SMAD2: variants seen among roughly 807,000 people sequenced by gnomAD.
The protein encoded by SMAD2 is MAD homolog 2.
SMAD2 carries 8 observed loss-of-function variants against 64.4 expected under a neutral mutation model. The observed-to-expected ratio is 0.12, with a 90% CI of 0.07 to 0.22. SMAD2 has a LOEUF of 0.22. SMAD2 is among the 10% of genes least tolerant of loss of function. The pLI, the probability that SMAD2 is intolerant of heterozygous loss-of-function variation, is 1.00. For missense variants in SMAD2, 289 were observed against 561.2 expected (o/e 0.51, Z 4.90); for synonymous variants, 203 against 195.8 (o/e 1.04, Z -0.31).
intron 1 of SMAD2, among the ~76,000 whole-genome samples, chr18:47,914,331 G>C (rs573373418): frequency 6.6e-6 from 1 of 152,214 alleles, no homozygotes; most frequent in Non-Finnish European, 1.5e-5. Context: ...ATCTTGCTGT[G>C]CCTCTAAATA....
intron 6 of SMAD2, among the ~76,000 whole-genome samples, chr18:47,859,099 A>G (rs764983820): frequency 8.5e-5 from 13 of 152,136 alleles, no homozygotes; most frequent in Non-Finnish European, 1.2e-4. Context: ...GGTGATGTTA[A>G]TATGAAATGC....
At chr18:47,905,611 A>C (rs2033871073) in intron 1 of SMAD2, among the ~76,000 whole-genome samples, 1 of 152,222 alleles carries the variant, frequency 6.6e-6, no homozygotes, top group Admixed American at 6.5e-5. Context: ...CAAGTCTAGA[A>C]ATAGACCCAC....
intron 6 of SMAD2, among the ~76,000 whole-genome samples, chr18:47,855,782 C>T (rs577812059): frequency 2.8e-4 from 42 of 151,976 alleles, no homozygotes; most frequent in Non-Finnish European, 3.4e-4. Context: ...CCAACACACC[C>T]GGCTAATTTC....
At chr18:47,910,370 A>G (rs1161729695) in intron 1 of SMAD2, among the ~76,000 whole-genome samples, 4 of 119,276 alleles carry the variant, frequency 3.4e-5, no homozygotes, top group Admixed American at 1.9e-4. Context: ...GACATAGGAC[A>G]ATCTAGCTAT....
intron 5 of SMAD2, chr18:47,866,828 T>C (rs1217026886): frequency 6.6e-6 from 1 of 152,178 alleles, no homozygotes; most frequent in Non-Finnish European, 1.5e-5. Flanking sequence ...TCTGATTTTC[T>C]ACTTTATAAA....
chr18:47,849,501 ATATAT>A (rs1914880143), intron 7 of SMAD2, among the ~76,000 whole-genome samples: 3 of 151,794 alleles, frequency 2.0e-5, no homozygotes, highest in African/African-American at 7.3e-5. Context: ...ATATATATAT[ATATAT>A]ATAGTCATCC....
Position 47,837,457 on chromosome 18 carries a change from G to C in SMAD2, c.*4370C>G, listed in dbSNP as rs1051194110. On this transcript the variant is annotated 3_prime_UTR_variant, in exon 11 of 11. Coordinates refer to ENST00000262160, the MANE Select transcript of SMAD2 (RefSeq NM_005901.6). ...GGCGCCTGTAGTCCCAGCTACTTGG[G>C]AGGCTGAGGCAGAAGCATGGCGTGA... 4.9e-6 allele frequency: 1 copy of C among 204,668 alleles called. No individual in the cohort carries two copies. The highest frequency in any genetic ancestry group is 9.9e-6 in the Non-Finnish European group (1 of 100,694). 12.7% of individuals were successfully genotyped at this position (204,668 alleles called of 1,614,324 possible).
intron 1 of SMAD2, among the ~76,000 whole-genome samples, chr18:47,898,362 G>T (rs1215908226): frequency 6.6e-6 from 1 of 152,144 alleles, no homozygotes; most frequent in Admixed American, 6.5e-5. Flanking sequence ...TGCAGAAAAG[G>T]GGGTGAAAAG....
At chr18:47,883,706 A>T (rs2032738331) in intron 2 of SMAD2, among the ~76,000 whole-genome samples, 1 of 152,162 alleles carries the variant, frequency 6.6e-6, no homozygotes, top group Non-Finnish European at 1.5e-5. Flanking sequence ...ATCACTTTAC[A>T]ATCTTCTCTG....
Position 47,848,704 on chromosome 18 carries a change from T to C in SMAD2, c.785-17A>G. ...GCTGTAAATCTGAAAAAGAAAAAAA[T>C]AAAAAAATAATAAAAGGAAGAAATG... On this transcript the variant is annotated splice_polypyrimidine_tract_variant and intron_variant, in intron 7 of 10. Coordinates refer to ENST00000262160, the MANE Select transcript of SMAD2 (RefSeq NM_005901.6). 6.5e-7 allele frequency: 1 copy of C among 1,548,670 alleles called. No homozygotes were observed. The highest frequency in any genetic ancestry group is 1.1e-5 in the South Asian group (1 of 87,888).
chr18:47,893,863 C>T (rs186190021), intron 2 of SMAD2, among the ~76,000 whole-genome samples: 226 of 152,142 alleles, frequency 1.5e-3, no homozygotes, highest in African/African-American at 5.4e-3. Context: ...CTAAAAAAAC[C>T]ACCAAATTAG....
chr18:47,850,431 T>C (rs190441759), intron 7 of SMAD2, among the ~76,000 whole-genome samples: 256 of 23,890 alleles, frequency 0.011, 62 homozygotes, highest in African/African-American at 0.048. Context: ...ATATATTATA[T>C]ATATTATGTA....
intron 1 of SMAD2, among the ~76,000 whole-genome samples, chr18:47,929,978 G>A (rs931367267): frequency 1.6e-4 from 24 of 151,866 alleles, no homozygotes; most frequent in African/African-American, 5.6e-4. Context: ...GTTAACAAAG[G>A]TTACGAGACC....
chr18:47,824,376 C>T lies in SMAD2; in HGVS notation c.*17451G>A, dbSNP rs1057050358. ...ACTTTTGGGACATCTGCCTAGAAGC[C>T]GATTGTCCAAACCCGAACTGGCAGC... On this transcript the variant is annotated 3_prime_UTR_variant, in exon 11 of 11. Coordinates refer to ENST00000262160, the MANE Select transcript of SMAD2 (RefSeq NM_005901.6). 3 of 152,188 alleles carry T rather than the reference C, an allele frequency of 2.0e-5. No homozygotes were observed. The highest frequency in any genetic ancestry group is 4.4e-5 in the Non-Finnish European group (3 of 68,022). 9.4% of individuals were successfully genotyped at this position (152,188 alleles called of 1,614,324 possible).
At chr18:47,872,336 T>C (rs1387882333) in intron 2 of SMAD2, among the ~76,000 whole-genome samples, 2 of 152,204 alleles carry the variant, frequency 1.3e-5, no homozygotes, top group Non-Finnish European at 2.9e-5. Context: ...TAGAGCCCTC[T>C]GTATCCAAGG....
In SMAD2 at chr18:47,831,955, A is replaced by G. The variant is rs1180364824; in HGVS notation, c.*9872T>C. On this transcript the variant is annotated 3_prime_UTR_variant, in exon 11 of 11. Transcript: ENST00000262160. Reference sequence around the variant, plus strand: ...AGAAGGGTGAATCTGTCAAAGGGTAAGCTGGATAACTGTATGTTGCAAACA... The same window carrying G: ...AGAAGGGTGAATCTGTCAAAGGGTAGGCTGGATAACTGTATGTTGCAAACA... 2 of 152,120 alleles carry G rather than the reference A, an allele frequency of 1.3e-5. No individual in the cohort carries two copies. Among genetic ancestry groups the G allele is most frequent in the Non-Finnish European group, 2.9e-5 (2 of 68,026 alleles). The allele number at this position is 152,120 out of a possible 1,614,324, so 9.4% of individuals were successfully genotyped here. A position where few individuals can be genotyped will look rare whatever the true frequency, so the allele number is the denominator to read the frequency against.
chr18:47,913,435 T>A (rs1369665027), intron 1 of SMAD2, among the ~76,000 whole-genome samples: 2 of 152,204 alleles, frequency 1.3e-5, no homozygotes, highest in African/African-American at 4.8e-5. Flanking sequence ...TAAAACCATT[T>A]TGGAACTAAG....
intron 1 of SMAD2, among the ~76,000 whole-genome samples, chr18:47,921,366 A>C (rs974602321): frequency 6.6e-6 from 1 of 152,234 alleles, no homozygotes; most frequent in African/African-American, 2.4e-5. Context: ...TAGTAAAGCT[A>C]CTTGCCTTTG....
rs980953144 is a variant in SMAD2, at chr18:47,819,277, A to T, written c.*22550T>A. 2.0e-5 allele frequency: 3 copies of T among 152,216 alleles called. No individual in the cohort carries two copies. Among genetic ancestry groups the T allele is most frequent in the Middle Eastern group, 6.3e-3 (2 of 316 alleles). The allele number at this position is 152,216 out of a possible 1,614,324, so 9.4% of individuals were successfully genotyped here. Reference sequence around the variant, plus strand: ...ACTTTTTAAGGTCATAAAACTATAAACTCAACTTAAAAACAGAATGATCTT... The same window carrying T: ...ACTTTTTAAGGTCATAAAACTATAATCTCAACTTAAAAACAGAATGATCTT... On this transcript the variant is annotated 3_prime_UTR_variant, in exon 11 of 11. Coordinates refer to ENST00000262160, the MANE Select transcript of SMAD2 (RefSeq NM_005901.6).
Sources: allele counts gnomAD v4.1 joint callset (sites outside exome capture counted in the v4.1 genomes callset), GRCh38; gene constraint gnomAD v4.1.1; transcripts MANE v1.5; gene names NCBI Gene and HGNC (gene_info 2026-07-23, HGNC 2026-07-21).